The following STXBP5L variants were observed in gnomAD, a reference collection of about 807,000 sequenced individuals.
STXBP5L encodes syntaxin-binding protein 5-like.
Under a neutral mutation model 144.5 loss-of-function variants are expected in STXBP5L, and 65 were observed. The observed-to-expected ratio is 0.45, with a 90% CI of 0.37 to 0.55. The LOEUF is 0.55. STXBP5L is among the 20% of genes least tolerant of loss of function. The probability of loss-of-function intolerance (pLI) is 0.00; values close to 1 mark genes in which losing one functional copy is unlikely to be tolerated. For missense variants in STXBP5L, 1,298 were observed against 1,405.5 expected, an observed-to-expected ratio of 0.92 and a Z score of 1.22; for synonymous variants, 505 against 469.6, an observed-to-expected ratio of 1.08 and a Z score of -0.97.
intron 7 of STXBP5L, among the ~76,000 whole-genome samples, chr3:121,124,634 A>G (rs1004552714): frequency 3.9e-5 from 6 of 152,008 alleles, no homozygotes; most frequent in African/African-American, 9.7e-5. Context: ...AATATTTTGT[A>G]TTCAGTTGCA....
At chr3:121,176,846 A>T (rs1318125300) in intron 9 of STXBP5L, among the ~76,000 whole-genome samples, 1 of 151,956 alleles carries the variant, frequency 6.6e-6, no homozygotes, top group Admixed American at 6.6e-5. Flanking sequence ...AATATAGAAG[A>T]TCAGCAAAGA....
intron 20 of STXBP5L, among the ~76,000 whole-genome samples, chr3:121,337,329 C>T (rs911833395): frequency 5.4e-5 from 8 of 148,570 alleles, no homozygotes; most frequent in African/African-American, 2.0e-4. Flanking sequence ...AGGATTCTTA[C>T]AAACTCGAGG....
At chr3:121,360,692 G>A (rs2045686907) in intron 20 of STXBP5L, among the ~76,000 whole-genome samples, 1 of 151,890 alleles carries the variant, frequency 6.6e-6, no homozygotes, top group Non-Finnish European at 1.5e-5. Context: ...CTCACCTTAA[G>A]TTTGTCCTCC....
rs975446755 is a variant in STXBP5L at position 121,007,953 on chromosome 3, A to G, written c.288-33747A>G. 2.6e-5 allele frequency among the ~76,000 whole-genome samples: 4 copies of G among 152,178 alleles called. No homozygotes were observed. The South Asian group carries it at 6.2e-4, about 24-fold the overall frequency. On this transcript the variant is annotated intron_variant, in intron 3 of 26. Coordinates refer to ENST00000471454, the MANE Select transcript of STXBP5L (RefSeq NM_001308330.2). ...AAAAAAAATTTATAATGGGAGAGTT[A>G]GTGGAAAAAACTATACTTTCCTGCT...
chr3:121,129,038 A>T (rs933715800), intron 7 of STXBP5L, among the ~76,000 whole-genome samples: 5 of 152,056 alleles, frequency 3.3e-5, no homozygotes, highest in Admixed American at 6.6e-5. Context: ...GGAAATTTTT[A>T]AAAAAGCAAT....
chr3:120,991,931 T>A (rs1942926199), intron 3 of STXBP5L, among the ~76,000 whole-genome samples: 1 of 152,208 alleles, frequency 6.6e-6, no homozygotes, highest in South Asian at 2.1e-4. Context: ...ATGCACGTTG[T>A]GCAGATGTAC....
chr3:121,053,929 A>T (rs1431192064), intron 5 of STXBP5L, among the ~76,000 whole-genome samples: 1 of 152,238 alleles, frequency 6.6e-6, no homozygotes, highest in Non-Finnish European at 1.5e-5. Flanking sequence ...AAGTGGGCAA[A>T]GGATATGAAC....
At chr3:121,314,446 C>A (rs1365555783) in intron 19 of STXBP5L, among the ~76,000 whole-genome samples, 1 of 141,048 alleles carries the variant, frequency 7.1e-6, no homozygotes, top group Non-Finnish European at 1.5e-5. Flanking sequence ...AAAACGAAAA[C>A]CAGTCAGGCG....
chr3:121,350,872 C>T (rs2045252370), intron 20 of STXBP5L, among the ~76,000 whole-genome samples: 1 of 152,004 alleles, frequency 6.6e-6, no homozygotes, highest in Admixed American at 6.6e-5. Context: ...AATCTTTTTT[C>T]AAGGTTTTTA....
chr3:120,959,476 G>A (rs980911858), intron 3 of STXBP5L, among the ~76,000 whole-genome samples: 3 of 152,048 alleles, frequency 2.0e-5, no homozygotes, highest in African/African-American at 7.3e-5. Flanking sequence ...AAAGCTGGAG[G>A]CATCATGCTA....
At chr3:121,327,684 T>C (rs748865161) in intron 20 of STXBP5L, among the ~76,000 whole-genome samples, 10 of 152,226 alleles carry the variant, frequency 6.6e-5, no homozygotes, top group Non-Finnish European at 1.0e-4. Flanking sequence ...TTATGTAAAA[T>C]AACATTCACA....
At chr3:121,406,321 AT>A (rs2046992891) in intron 22 of STXBP5L, among the ~76,000 whole-genome samples, 1 of 152,090 alleles carries the variant, frequency 6.6e-6, no homozygotes, top group African/African-American at 2.4e-5. Context: ...CTAAATGAAT[AT>A]ACTTTTATCT....
intron 5 of STXBP5L, among the ~76,000 whole-genome samples, chr3:121,075,175 G>A (rs979551276): frequency 3.9e-5 from 6 of 152,088 alleles, no homozygotes; most frequent in African/African-American, 1.4e-4. Flanking sequence ...GGGGGTTCTG[G>A]CCAGCCGTTT....
At chr3:121,108,440 A>G (rs1376617391) in intron 5 of STXBP5L, among the ~76,000 whole-genome samples, 1 of 152,122 alleles carries the variant, frequency 6.6e-6, no homozygotes, top group Non-Finnish European at 1.5e-5. Context: ...TGAATTTTAT[A>G]AAAGGCCTTT....
At chr3:121,282,843 CAT>C (rs972425396) in intron 19 of STXBP5L, among the ~76,000 whole-genome samples, 1 of 151,848 alleles carries the variant, frequency 6.6e-6, no homozygotes, top group Non-Finnish European at 1.5e-5. Context: ...AATATACAAA[CAT>C]ATTTCTATGG....
intron 9 of STXBP5L, among the ~76,000 whole-genome samples, chr3:121,169,835 A>G (rs1263177041): frequency 6.6e-6 from 1 of 152,216 alleles, no homozygotes; most frequent in Non-Finnish European, 1.5e-5. Context: ...TCAGCTCTGG[A>G]CCATGCAGAC....
At chr3:121,198,789 G>A (rs2048020986) in intron 9 of STXBP5L, among the ~76,000 whole-genome samples, 1 of 152,070 alleles carries the variant, frequency 6.6e-6, no homozygotes, top group South Asian at 2.1e-4. Flanking sequence ...AAGATCAGAT[G>A]GTTGTAGGTG....
At chr3:121,094,225 G>C (rs1057221829) in intron 5 of STXBP5L, among the ~76,000 whole-genome samples, 2 of 152,118 alleles carry the variant, frequency 1.3e-5, no homozygotes, top group Admixed American at 6.5e-5. Context: ...GTGTGATGTG[G>C]TGCTGAAAAA....
chr3:121,260,426 AT>A (rs1281070424), intron 18 of STXBP5L, among the ~76,000 whole-genome samples: 5 of 151,962 alleles, frequency 3.3e-5, no homozygotes, highest in African/African-American at 9.7e-5. Context: ...ATTTTTTGTT[AT>A]CTTTTATGGC....
Sources: gnomAD v4.1 joint callset for allele counts (sites outside exome capture counted in the v4.1 genomes callset) on GRCh38, gnomAD v4.1.1 for gene constraint, MANE v1.5 for transcripts, NCBI Gene and HGNC (gene_info 2026-07-23, HGNC 2026-07-21) for gene names.